The following LHFPL3 variants were observed in gnomAD, a reference collection of about 807,000 sequenced individuals.
LHFPL3 encodes the protein LHFPL tetraspan subfamily member 3, also known as LHFPL tetraspan subfamily member 3 protein.
A neutral mutation model predicts 19.3 loss-of-function variants in LHFPL3; 5 were observed. The observed-to-expected ratio is 0.26, with a 90% CI of 0.14 to 0.54. The LOEUF (loss-of-function observed/expected upper bound fraction) is 0.54. LHFPL3 is among the 20% of genes least tolerant of loss of function. The pLI, the probability that LHFPL3 is intolerant of heterozygous loss-of-function variation, is 0.94. For missense variants in LHFPL3, 249 were observed against 307.4 expected (o/e 0.81, Z 1.42); for synonymous variants, 133 against 126.2 (o/e 1.05, Z -0.36).
intron 2 of LHFPL3, among the ~76,000 whole-genome samples, chr7:104,829,692 G>A (rs1237883135): frequency 6.6e-6 from 1 of 151,878 alleles, no homozygotes; most frequent in Admixed American, 6.6e-5. Flanking sequence ...AGTATTCCAT[G>A]GTGTATATGT....
At chr7:104,580,951 T>A (rs1182667788) in intron 1 of LHFPL3, among the ~76,000 whole-genome samples, 1 of 152,090 alleles carries the variant, frequency 6.6e-6, no homozygotes, top group Non-Finnish European at 1.5e-5. Context: ...ATTTAGGTTA[T>A]TTTCAGTTTA....
At chr7:104,710,013 T>C (rs1048837757) in intron 1 of LHFPL3, among the ~76,000 whole-genome samples, 2 of 152,196 alleles carry the variant, frequency 1.3e-5, no homozygotes, top group African/African-American at 4.8e-5. Context: ...ATCATGCCAC[T>C]GCACTCCAGC....
chr7:104,463,017 TA>T (rs1792703993), intron 1 of LHFPL3, among the ~76,000 whole-genome samples: 1 of 152,192 alleles, frequency 6.6e-6, no homozygotes. Context: ...TTTTCTAGTT[TA>T]TATGCATAGA....
chr7:104,390,319 T>A (rs889164135), intron 1 of LHFPL3, among the ~76,000 whole-genome samples: 5 of 152,030 alleles, frequency 3.3e-5, no homozygotes, highest in African/African-American at 7.3e-5. Context: ...GTATATCTCC[T>A]AATGCTATCC....
Position 104,821,871 on chromosome 7 carries a change from A to C in LHFPL3, c.683-84316A>C, listed in dbSNP as rs1210040779. On this transcript the variant is annotated intron_variant, in intron 2 of 2. Transcript: ENST00000424859. ...AAATGCACTTTGCAAACATAGATTA[A>C]GTAGTGTAATCAAAGGTCAGTGAAT... 2.0e-5 allele frequency among the ~76,000 whole-genome samples: 3 copies of C among 152,232 alleles called. No individual in the cohort carries two copies. In the East Asian group the frequency reaches 5.8e-4, roughly 29 times the overall value.
chr7:104,459,113 C>T (rs148614193), intron 1 of LHFPL3, among the ~76,000 whole-genome samples: 3 of 152,338 alleles, frequency 2.0e-5, no homozygotes, highest in Non-Finnish European at 4.4e-5. Flanking sequence ...TATTGATTTC[C>T]TGCAGTTACT....
intron 1 of LHFPL3, among the ~76,000 whole-genome samples, chr7:104,350,186 T>TAAATG: frequency 6.6e-6 from 1 of 152,136 alleles, no homozygotes; most frequent in African/African-American, 2.4e-5. Context: ...AATTTAAATT[T>TAAATG]AAATGAAATG....
rs145998567 is a variant in LHFPL3 at position 104,577,738 on chromosome 7, A to G, written c.446-158937A>G. 1.4e-4 allele frequency among the ~76,000 whole-genome samples: 21 copies of G among 152,298 alleles called. No individual in the cohort carries two copies. The East Asian group carries it at 2.5e-3, about 18-fold the overall frequency. On this transcript the variant is annotated intron_variant, in intron 1 of 2. Transcript: ENST00000424859. The stretch of plus-strand genomic sequence containing the variant: ...AGGCAGGAGATGGATTTTATTCTCC[A>G]TAATGTAAGGCATATTGAACTGTGG...
chr7:104,882,683 G>A (rs1211581337), intron 2 of LHFPL3, among the ~76,000 whole-genome samples: 1 of 152,182 alleles, frequency 6.6e-6, no homozygotes, highest in Non-Finnish European at 1.5e-5. Context: ...TTTTCATGGT[G>A]ATGAAAATAT....
rs561975535 is a variant in LHFPL3 at position 104,408,864 on chromosome 7, C to CTTTTTTTT, written c.445+79651_445+79658dup. Among the ~76,000 whole-genome samples, 1,037 of 105,300 alleles carry CTTTTTTTT rather than the reference C, an allele frequency of 9.8e-3. 99 individuals are homozygous for CTTTTTTTT. The highest frequency in any genetic ancestry group is 0.035 in the African/African-American group (936 of 26,580). 69.1% of individuals were successfully genotyped at this position (105,300 alleles called of 152,430 possible). ...AGGCACTAGTGTTGTAATTTTCTTT[C>CTTTTTTTT]TTTTTTTTTTTTTTTTTTGAGACGG... On this transcript the variant is annotated intron_variant, in intron 1 of 2. Transcript: ENST00000424859.
At chr7:104,561,923 A>C (rs1263890809) in intron 1 of LHFPL3, among the ~76,000 whole-genome samples, 1 of 151,948 alleles carries the variant, frequency 6.6e-6, no homozygotes, top group East Asian at 1.9e-4. Context: ...AAAGGATTTT[A>C]TTTCTCCTTC....
chr7:104,398,861 A>G (rs995935102), intron 1 of LHFPL3, among the ~76,000 whole-genome samples: 6 of 151,156 alleles, frequency 4.0e-5, no homozygotes, highest in Non-Finnish European at 8.8e-5. Context: ...GGCCCTGAAT[A>G]CTCCCTTAGA....
chr7:104,361,095 G>T (rs1790383663), intron 1 of LHFPL3, among the ~76,000 whole-genome samples: 1 of 152,190 alleles, frequency 6.6e-6, no homozygotes, highest in Non-Finnish European at 1.5e-5. Context: ...CTTGTGTATT[G>T]TCTATGGCTG....
intron 1 of LHFPL3, among the ~76,000 whole-genome samples, chr7:104,711,622 A>G (rs998827497): frequency 6.6e-5 from 10 of 152,078 alleles, no homozygotes; most frequent in Non-Finnish European, 1.2e-4. Flanking sequence ...TTAAGAATTT[A>G]AAAAAAACAA....
At chr7:104,877,179 T>C (rs911768473) in intron 2 of LHFPL3, among the ~76,000 whole-genome samples, 4 of 152,076 alleles carry the variant, frequency 2.6e-5, no homozygotes, top group African/African-American at 9.7e-5. Flanking sequence ...TAATGTTAAA[T>C]GACGAGTTAC....
intron 1 of LHFPL3, among the ~76,000 whole-genome samples, chr7:104,405,672 A>G (rs894312637): frequency 6.6e-6 from 1 of 152,322 alleles, no homozygotes; most frequent in African/African-American, 2.4e-5. Context: ...ATCAAAGTCT[A>G]TGATTTTAAC....
chr7:104,388,458 C>T (rs983313617), intron 1 of LHFPL3, among the ~76,000 whole-genome samples: 2 of 152,076 alleles, frequency 1.3e-5, no homozygotes, highest in African/African-American at 2.4e-5. Context: ...AGTGGAATGG[C>T]GTATTCAAAG....
At chr7:104,487,520 G>A (rs547235848) in intron 1 of LHFPL3, among the ~76,000 whole-genome samples, 133 of 152,240 alleles carry the variant, frequency 8.7e-4, no homozygotes, top group Admixed American at 1.3e-3. Flanking sequence ...TTAACCTAAC[G>A]TGCACATCTT....
chr7:104,410,496 A>G (rs1034608443), intron 1 of LHFPL3, among the ~76,000 whole-genome samples: 1 of 152,188 alleles, frequency 6.6e-6, no homozygotes, highest in African/African-American at 2.4e-5. Context: ...CTGAGGATCT[A>G]TTGGGTAACA....
Sources: gnomAD v4.1 joint callset for allele counts (sites outside exome capture counted in the v4.1 genomes callset) on GRCh38, gnomAD v4.1.1 for gene constraint, MANE v1.5 for transcripts, NCBI Gene and HGNC (gene_info 2026-07-23, HGNC 2026-07-21) for gene names.